The following OXCT1 variants were observed in gnomAD, a reference collection of about 807,000 sequenced individuals.
OXCT1 encodes the protein succinyl-CoA:3-ketoacid coenzyme A transferase 1, mitochondrial.
Under a neutral mutation model 69.6 loss-of-function variants are expected in OXCT1, and 27 were observed. The ratio of observed to expected loss-of-function variants is 0.39; its 90% CI spans 0.29 to 0.54. The LOEUF is 0.54. Ranked by LOEUF, OXCT1 falls within the 20% of genes least tolerant of loss-of-function variation. The pLI is 0.72. For synonymous variants in OXCT1, 202 were observed against 217.8 expected (o/e 0.93, Z 0.64); for missense variants, 437 against 650.2 (o/e 0.67, Z 3.57).
chr5:41,775,805 A>C (rs779397434), intron 13 of OXCT1, among the ~76,000 whole-genome samples: 1 of 152,198 alleles, frequency 6.6e-6, no homozygotes, highest in Non-Finnish European at 1.5e-5. Context: ...AAATGCTCCT[A>C]TGGCCCTATC....
At chr5:41,757,268 C>T (rs1744123830) in intron 14 of OXCT1, among the ~76,000 whole-genome samples, 1 of 152,072 alleles carries the variant, frequency 6.6e-6, no homozygotes, top group African/African-American at 2.4e-5. Flanking sequence ...TCCTCCCACA[C>T]ACCAGTGTCT....
chr5:41,861,491 A>T, intron 2 of OXCT1, 87 bp from the exon 3 acceptor site: 1 of 850,982 alleles, frequency 1.2e-6, no homozygotes, highest in Non-Finnish European at 2.0e-6. Context: ...TTAAAAGGGA[A>T]ATAAAACAAA....
chr5:41,831,403 GT>G (rs1405463923), intron 7 of OXCT1, among the ~76,000 whole-genome samples: 5 of 152,054 alleles, frequency 3.3e-5, no homozygotes, highest in Non-Finnish European at 7.4e-5. Context: ...CTAAGTTTCA[GT>G]TTCTTTCCCT....
At chr5:41,738,137 C>T (rs899213294) in intron 16 of OXCT1, among the ~76,000 whole-genome samples, 1 of 152,166 alleles carries the variant, frequency 6.6e-6, no homozygotes, top group African/African-American at 2.4e-5. Flanking sequence ...ATATGTATGA[C>T]TTATCAAATA....
chr5:41,850,336 A>G (rs540610593), intron 4 of OXCT1, among the ~76,000 whole-genome samples, 157 bp from the exon 5 acceptor site: 1 of 152,318 alleles, frequency 6.6e-6, no homozygotes, highest in East Asian at 1.9e-4. Context: ...GTATGCTAGA[A>G]GATCAATTTT....
intron 7 of OXCT1, among the ~76,000 whole-genome samples, chr5:41,832,340 A>G (rs888545519): frequency 2.0e-5 from 2 of 100,944 alleles, no homozygotes; most frequent in Non-Finnish European, 4.7e-5. Context: ...GCACAGAGAG[A>G]GAGAGAGAGA....
At chr5:41,795,274 G>C (rs1746125261) in intron 11 of OXCT1, among the ~76,000 whole-genome samples, 1 of 152,168 alleles carries the variant, frequency 6.6e-6, no homozygotes, top group South Asian at 2.1e-4. Flanking sequence ...CTCGCCTGCT[G>C]CTCACCTCCT....
At chr5:41,753,448 T>C (rs1743911030) in intron 14 of OXCT1, among the ~76,000 whole-genome samples, 1 of 152,118 alleles carries the variant, frequency 6.6e-6, no homozygotes, top group Non-Finnish European at 1.5e-5. Context: ...AGACCAAGCC[T>C]TTCAGCTTTT....
At chr5:41,802,991 T>C in intron 10 of OXCT1, 78 bp downstream of exon 10, 1 of 1,065,026 alleles carries the variant, frequency 9.4e-7, no homozygotes. Flanking sequence ...AATAAAAAAA[T>C]TTAATAAAAA....
At chr5:41,808,619 C>T (rs751729553) in intron 7 of OXCT1, among the ~76,000 whole-genome samples, 2 of 152,146 alleles carry the variant, frequency 1.3e-5, no homozygotes, top group East Asian at 1.9e-4. Context: ...GAAAATATGT[C>T]GGCATCCAAG....
chr5:41,782,522 C>G, intron 13 of OXCT1, among the ~76,000 whole-genome samples: 1 of 152,010 alleles, frequency 6.6e-6, no homozygotes, highest in East Asian at 1.9e-4. Flanking sequence ...AGCTTTTTTT[C>G]CTATTTCTTG....
At chr5:41,853,827 A>T (rs1341016317) in intron 3 of OXCT1, among the ~76,000 whole-genome samples, 1 of 152,138 alleles carries the variant, frequency 6.6e-6, no homozygotes, top group East Asian at 1.9e-4. Context: ...TAAGGGACAT[A>T]CAGCCAATAT....
chr5:41,814,754 T>C (rs1009533520), intron 7 of OXCT1, among the ~76,000 whole-genome samples: 6 of 146,702 alleles, frequency 4.1e-5, no homozygotes, highest in Non-Finnish European at 6.0e-5. Context: ...AGGGATAGCA[T>C]TGGGAGATAT....
chr5:41,738,263 T>C (rs1742988574), intron 16 of OXCT1, among the ~76,000 whole-genome samples: 1 of 152,224 alleles, frequency 6.6e-6, no homozygotes, highest in Non-Finnish European at 1.5e-5. Context: ...ATGAGAATAA[T>C]ATCCCTTTCT....
intron 13 of OXCT1, among the ~76,000 whole-genome samples, chr5:41,763,635 T>C (rs1465911792): frequency 6.6e-6 from 1 of 152,112 alleles, no homozygotes. Context: ...TGATAAAATG[T>C]GTCAATCTGC....
At chr5:41,855,273 C>G (rs571561310) in intron 3 of OXCT1, among the ~76,000 whole-genome samples, 1 of 152,240 alleles carries the variant, frequency 6.6e-6, no homozygotes, top group East Asian at 1.9e-4. Flanking sequence ...GAGAAGAGAA[C>G]AGCGACTGGA....
chr5:41,800,237 G>C (rs912929064), intron 11 of OXCT1, among the ~76,000 whole-genome samples: 1 of 152,024 alleles, frequency 6.6e-6, no homozygotes, highest in Non-Finnish European at 1.5e-5. Flanking sequence ...CAAGGCTCTA[G>C]TCCCCAGTTC....
intron 15 of OXCT1, among the ~76,000 whole-genome samples, chr5:41,742,405 G>A (rs961774708): frequency 4.6e-5 from 7 of 152,160 alleles, no homozygotes; most frequent in South Asian, 2.1e-4. Context: ...CTTTATCACC[G>A]TGACAAAAGC....
chr5:41,865,847 T>C (rs1749938027), intron 1 of OXCT1, among the ~76,000 whole-genome samples: 1 of 152,228 alleles, frequency 6.6e-6, no homozygotes, highest in East Asian at 1.9e-4. Context: ...ATCCAGGGGA[T>C]ACTAGCTTCC....
Sources: allele counts gnomAD v4.1 joint callset (sites outside exome capture counted in the v4.1 genomes callset), GRCh38; gene constraint gnomAD v4.1.1; transcripts MANE v1.5; gene names NCBI Gene and HGNC (gene_info 2026-07-23, HGNC 2026-07-21).